The following PLA2G4B variants were observed in gnomAD, a reference collection of about 807,000 sequenced individuals.
PLA2G4B encodes the protein phospholipase A2 group IVB.
Under a neutral mutation model 95.8 loss-of-function variants are expected in PLA2G4B, and 122 were observed. That is an observed-to-expected ratio of 1.27 (90% confidence interval 1.10 to 1.48). The LOEUF (loss-of-function observed/expected upper bound fraction) is 1.48, where lower values mean the gene tolerates loss of function less well. PLA2G4B is among the 40% of genes most tolerant of loss of function. The probability of loss-of-function intolerance (pLI) is 0.00; values close to 1 mark genes in which losing one functional copy is unlikely to be tolerated. For synonymous variants in PLA2G4B, 518 were observed against 421.5 expected, an observed-to-expected ratio of 1.23 and a Z score of -2.80; for missense variants, 1,158 against 996.2, an observed-to-expected ratio of 1.16 and a Z score of -2.19.
In PLA2G4B at chr15:41,840,579, G is replaced by T; in HGVS notation, c.138G>T (p.Arg46Ser). Reference sequence around the variant, plus strand: ...GGCTGCCCACGGCCTGCAGCCACAGGCTCCAGACACGCACGGTCAAGAACA... The same window carrying T: ...GGCTGCCCACGGCCTGCAGCCACAGTCTCCAGACACGCACGGTCAAGAACA... ...TLWLPTACSH[R>S]LQTRTVKNSS... The change falls in exon 3 of 20, where the codon AGG becomes AGT. Residue 46 changes from arginine to serine, a missense_variant. Arg to Ser is a moderately radical substitution (Grantham distance 110). Coordinates refer to ENST00000458483, the MANE Select transcript of PLA2G4B (RefSeq NM_001114633.2). The T allele has an allele frequency of 6.2e-7, 1 of 1,613,946 alleles. No homozygotes were observed. The highest frequency in any genetic ancestry group is 8.5e-7 in the Non-Finnish European group (1 of 1,180,030).
chr15:41,846,489 C>G, intron 17 of PLA2G4B, 107 bp downstream of exon 17: 4 of 1,521,358 alleles, frequency 2.6e-6, no homozygotes, highest in Non-Finnish European at 3.5e-6. Flanking sequence ...GCTTGATTCC[C>G]TGGACTACTT....
intron 6 of PLA2G4B, 71 bp from the exon 7 acceptor site, chr15:41,841,446 G>A: frequency 6.2e-7 from 1 of 1,611,772 alleles, no homozygotes; most frequent in Non-Finnish European, 8.5e-7. Context: ...GCAGCAGCCA[G>A]GGTGCTGCGA....
At position 41,845,889 on chromosome 15, in the gene PLA2G4B, G is replaced by A. The variant is rs573800650; in HGVS notation, c.1496-54G>A. ...TGGGCCAGGACTGGCCATGGGGAAG[G>A]GTAGGATTGGGACAAGAGTCGGGGG... is the stretch of plus-strand genomic sequence containing the variant. On this transcript the variant is annotated intron_variant, in intron 15 of 19. Transcript: ENST00000458483. 6 of 1,517,198 alleles carry A rather than the reference G, an allele frequency of 4.0e-6. No homozygotes were observed. The African/African-American group carries it at 4.2e-5, about 11-fold the overall frequency. 94.0% of individuals were successfully genotyped at this position (1,517,198 alleles called of 1,614,324 possible).
rs756829682 is a variant in PLA2G4B at position 41,843,677 on chromosome 15, C to G, written c.745C>G (p.Leu249Val). ...ACAGTCTCTTCCTTCCCCGGCCAGACTGAGGGAGCTGGCCGTGCGACTGGG... is the reference window on the plus strand; with the variant it reads ...ACAGTCTCTTCCTTCCCCGGCCAGAGTGAGGGAGCTGGCCGTGCGACTGGG... ...MRVELKKEAG[L>V]RELAVRLGFG... Residue 249 changes from leucine to valine, a missense_variant and splice_region_variant, in exon 11 of 20, where the codon CTG becomes GTG. Leu to Val is a conservative substitution (Grantham distance 32). Coordinates refer to ENST00000458483, the MANE Select transcript of PLA2G4B (RefSeq NM_001114633.2). 3.7e-6 allele frequency: 6 copies of G among 1,613,070 alleles called. No individual in the cohort carries two copies. Among genetic ancestry groups the G allele is most frequent in the Non-Finnish European group, 4.2e-6 (5 of 1,179,556 alleles).
Position 41,841,868 on chromosome 15 carries a change from G to C in PLA2G4B, c.540G>C (p.Pro180=). The part of the protein sequence containing the change: ...QLVVPGSCEG[P]QEASVGTGTF... ...TGGTTCCTGGGTCCTGTGAGGGTCC[G>C]CAGGAGGCCTCTGTGGGCACTGGCA... Residue 180 remains proline (P), a synonymous_variant, in exon 8 of 20, where the codon CCG becomes CCC. Coordinates refer to ENST00000458483, the MANE Select transcript of PLA2G4B (RefSeq NM_001114633.2). 1 of 1,613,318 alleles carries C rather than the reference G, an allele frequency of 6.2e-7. No homozygotes were observed. The highest frequency in any genetic ancestry group is 1.7e-4 in the Middle Eastern group (1 of 6,060).
rs1013457240 is a variant in PLA2G4B, at chr15:41,846,549, A to G, written c.1781-120A>G. ...TCTTGGGGACCCAGGGCCCACCTGC[A>G]GGGCTGTGGGGGTGTTGGTTCAGCA... On this transcript the variant is annotated intron_variant, in intron 17 of 19. Transcript: ENST00000458483. 98 of 1,503,294 alleles carry G rather than the reference A, an allele frequency of 6.5e-5. 1 individual carries two copies. Among genetic ancestry groups the G allele is most frequent in the Non-Finnish European group, 8.7e-5 (98 of 1,120,632 alleles). The allele number at this position is 1,503,294 out of a possible 1,614,324, so 93.1% of individuals were successfully genotyped here. A position where few individuals can be genotyped will look rare whatever the true frequency, so the allele number is the denominator to read the frequency against.
intron 2 of PLA2G4B, 132 bp downstream of exon 2, chr15:41,840,362 G>A (rs2065404397): frequency 6.4e-7 from 1 of 1,570,846 alleles, no homozygotes; most frequent in Non-Finnish European, 8.6e-7. Context: ...GAGCTGAGAG[G>A]AGCTTCTGGG....
At chr15:41,843,944 C>T (rs2065484617) in intron 11 of PLA2G4B, 133 bp downstream of exon 11, 2 of 1,431,998 alleles carry the variant, frequency 1.4e-6, no homozygotes, top group Non-Finnish European at 1.8e-6. Context: ...CTTCCTCTCA[C>T]CTGGTGTTAG....
At chr15:41,847,122 G>A (rs576160355) in intron 18 of PLA2G4B, among the ~76,000 whole-genome samples, 3 of 152,304 alleles carry the variant, frequency 2.0e-5, no homozygotes, top group African/African-American at 4.8e-5. Context: ...GTCAGAACTG[G>A]AATGCTGGGA....
chr15:41,840,201 A>G lies in PLA2G4B; in HGVS notation c.53A>G (p.Gln18Arg). The change falls in exon 2 of 20, where the codon CAG becomes CGG. Residue 18 changes from glutamine to arginine, a missense_variant. Coordinates refer to ENST00000458483, the MANE Select transcript of PLA2G4B (RefSeq NM_001114633.2). Reference sequence around the variant, plus strand: ...TGCCTGCTCACGGTTCGTGTCCTGCAGGCCCATCGCCTACCCTCTAAGGAC... The same window carrying G: ...TGCCTGCTCACGGTTCGTGTCCTGCGGGCCCATCGCCTACCCTCTAAGGAC... The part of the protein sequence containing the change: ...RTCLLTVRVL[Q>R]AHRLPSKDLV... The G allele has an allele frequency of 6.2e-7, 1 of 1,613,252 alleles. No individual in the cohort carries two copies.
chr15:41,842,503 G>A, intron 9 of PLA2G4B, 51 bp from the exon 10 acceptor site: 1 of 1,610,738 alleles, frequency 6.2e-7, no homozygotes. Context: ...GAGGACCAGA[G>A]CTGGGTGGAG....
In PLA2G4B at chr15:41,841,045, C is replaced by G. The variant is rs1567169199; in HGVS notation, c.352-10C>G. On this transcript the variant is annotated splice_polypyrimidine_tract_variant and intron_variant, in intron 4 of 19. Transcript: ENST00000458483. ...GACCCTTTCTAACTTACTTCTGGCT[C>G]TCTTCCCAGGGTGAGGGGCGCCTGG... 1 of 1,573,620 alleles carries G rather than the reference C, an allele frequency of 6.4e-7. No individual in the cohort carries two copies. The highest frequency in any genetic ancestry group is 1.8e-5 in the Admixed American group (1 of 56,926).
rs199560962 is a variant in PLA2G4B, at chr15:41,847,847, G to A, written c.2333G>A (p.Arg778His). ...LRQAVQRRRQ[R>H]RPH is the part of the protein sequence containing the mutation. Reference sequence around the variant, plus strand: ...CAGGCAGTGCAGCGGAGGCGGCAGCGCAGGCCCCACTGATGGCCGGGGCCC... The same window carrying A: ...CAGGCAGTGCAGCGGAGGCGGCAGCACAGGCCCCACTGATGGCCGGGGCCC... Residue 778 changes from arginine to histidine, a missense_variant, in exon 20 of 20, where the codon CGC (arginine) becomes CAC (histidine). Coordinates refer to ENST00000458483, the MANE Select transcript of PLA2G4B (RefSeq NM_001114633.2). 7.1e-5 allele frequency: 115 copies of A among 1,612,588 alleles called. No homozygotes were observed. In the East Asian group the frequency reaches 2.3e-3, roughly 32 times the overall value.
chr15:41,844,893 C>A lies in PLA2G4B; in HGVS notation c.1062C>A (p.Asp354Glu). 6.2e-7 allele frequency: 1 copy of A among 1,611,440 alleles called. No homozygotes were observed. The highest frequency in any genetic ancestry group is 8.5e-7 in the Non-Finnish European group (1 of 1,179,120). The change falls in exon 13 of 20, where the codon GAC (aspartate) becomes GAA (glutamate). Residue 354 changes from aspartate to glutamate, a missense_variant. Transcript: ENST00000458483. Reference sequence around the variant, plus strand: ...AGGACCCAGAGTGGTCTCAGAAGGACCTGGCAGGGCCCACTGAGTTGCTGA... The same window carrying A: ...AGGACCCAGAGTGGTCTCAGAAGGAACTGGCAGGGCCCACTGAGTTGCTGA... ...LYEDPEWSQKDLAGPTELLKT... is the reference protein window; with the variant it reads ...LYEDPEWSQKELAGPTELLKT...
chr15:41,845,419 C>A (rs2065520126), intron 14 of PLA2G4B, 99 bp downstream of exon 14: 1 of 1,499,904 alleles, frequency 6.7e-7, no homozygotes, highest in Non-Finnish European at 9.1e-7. Context: ...CCCACCTCTC[C>A]TGAGCCAGGT....
At chr15:41,844,001 A>G (rs1648830) in intron 11 of PLA2G4B, among the ~76,000 whole-genome samples, 190 bp downstream of exon 11, 118,183 of 152,182 alleles carry the variant, frequency 0.78, 46,258 homozygotes, top group East Asian at 0.88. Context: ...CCTGGAGCCC[A>G]CATGGGAGCT....
At position 41,845,728 on chromosome 15, in the gene PLA2G4B, G is replaced by C. The variant is rs1357989985; in HGVS notation, c.1448G>C (p.Gly483Ala). 2 of 1,612,294 alleles carry C rather than the reference G, an allele frequency of 1.2e-6. No homozygotes were observed. Among genetic ancestry groups the C allele is most frequent in the Non-Finnish European group, 1.7e-6 (2 of 1,179,262 alleles). Residue 483 changes from glycine to alanine, a missense_variant, in exon 15 of 20, where the codon GGG becomes GCG. By Grantham distance (60) the Gly-to-Ala change is moderately conservative. Transcript: ENST00000458483. ...SELFGSEFFM[G>A]QLMKRLPESR... ...CTCTTTGGCTCCGAGTTCTTTATGG[G>C]GCAGCTGATGAAGAGGCTTCCTGAG...
chr15:41,839,326 G>A (rs2065382031), intron 1 of PLA2G4B: 1 of 161,286 alleles, frequency 6.2e-6, no homozygotes, highest in African/African-American at 2.4e-5. Flanking sequence ...TTGCTCCCTG[G>A]ACTTGACCTG....
In PLA2G4B at chr15:41,842,593, TGAG is replaced by T. The variant is rs748901797; in HGVS notation, c.743+3_743+5del. On this transcript the variant is annotated splice_donor_5th_base_variant and intron_variant, in intron 10 of 19. Coordinates refer to ENST00000458483, the MANE Select transcript of PLA2G4B (RefSeq NM_001114633.2). ...AGTGGAGCTGAAAAAAGAAGCAGGGTGAGAGGCCTGGCTGGGGACTGGGCAAGG... is the reference window on the plus strand; with the variant it reads ...AGTGGAGCTGAAAAAAGAAGCAGGGTAGGCCTGGCTGGGGACTGGGCAAGG... The T allele has an allele frequency of 6.2e-7, 1 of 1,607,770 alleles. No homozygotes were observed. Among genetic ancestry groups the T allele is most frequent in the Non-Finnish European group, 8.5e-7 (1 of 1,178,348 alleles).
Sources: gnomAD v4.1 joint callset for allele counts (sites outside exome capture counted in the v4.1 genomes callset) on GRCh38, gnomAD v4.1.1 for gene constraint, MANE v1.5 for transcripts, NCBI Gene and HGNC (gene_info 2026-07-23, HGNC 2026-07-21) for gene names.